Variants in DNER observed in about 807,000 individuals in gnomAD.
DNER encodes the protein delta/notch like EGF repeat containing.
A neutral mutation model predicts 78.2 loss-of-function variants in DNER; 33 were observed. That is an observed-to-expected ratio of 0.42 (90% CI 0.32 to 0.56). The LOEUF (loss-of-function observed/expected upper bound fraction) is 0.56. Among genes scored for constraint, DNER ranks in the 20% least tolerant of loss-of-function variants. The pLI, the probability that DNER is intolerant of heterozygous loss-of-function variation, is 0.11. For missense variants in DNER, 918 were observed against 975.3 expected (o/e 0.94, Z 0.78); for synonymous variants, 417 against 384.8 (o/e 1.08, Z -0.98).
At chr2:229,611,876 T>A (rs987297925) in intron 1 of DNER, among the ~76,000 whole-genome samples, 5 of 152,174 alleles carry the variant, frequency 3.3e-5, no homozygotes, top group Non-Finnish European at 5.9e-5. Context: ...TGTTACACCG[T>A]CTCCATAACC....
intron 1 of DNER, among the ~76,000 whole-genome samples, chr2:229,634,843 C>A (rs988857398): frequency 6.6e-5 from 10 of 152,132 alleles, no homozygotes; most frequent in African/African-American, 2.4e-4. Flanking sequence ...GCCACTTGTC[C>A]CCTTCTGGCA....
chr2:229,445,445 G>A (rs138017224), intron 8 of DNER, among the ~76,000 whole-genome samples: 100 of 152,326 alleles, frequency 6.6e-4, no homozygotes, highest in Non-Finnish European at 1.1e-3. Context: ...AGTTCATTTC[G>A]GGTGTCAACT....
intron 1 of DNER, among the ~76,000 whole-genome samples, chr2:229,594,230 A>G (rs1171345508): frequency 6.6e-6 from 1 of 152,240 alleles, no homozygotes; most frequent in Non-Finnish European, 1.5e-5. Flanking sequence ...CCATAGAGTA[A>G]CTTCTCTTCA....
intron 7 of DNER, among the ~76,000 whole-genome samples, chr2:229,458,368 T>C (rs1288954088): frequency 6.6e-6 from 1 of 151,700 alleles, no homozygotes; most frequent in African/African-American, 2.4e-5. Flanking sequence ...AGCTTCAAAA[T>C]ACATGAAAGA....
chr2:229,416,359 C>T (rs1024927187), intron 9 of DNER, among the ~76,000 whole-genome samples: 5 of 152,108 alleles, frequency 3.3e-5, no homozygotes, highest in Admixed American at 2.6e-4. Flanking sequence ...GAGTTGCTGG[C>T]GTGGGCTAGT....
chr2:229,698,304 G>T (rs1699690661), intron 1 of DNER, among the ~76,000 whole-genome samples: 1 of 152,168 alleles, frequency 6.6e-6, no homozygotes, highest in South Asian at 2.1e-4. Flanking sequence ...CTTGTACCCT[G>T]CTGGTCTCCA....
chr2:229,364,813 A>G (rs962364709), intron 12 of DNER, among the ~76,000 whole-genome samples: 5 of 150,646 alleles, frequency 3.3e-5, no homozygotes, highest in African/African-American at 9.8e-5. Context: ...TTCAGATAGA[A>G]TAATTTGGGT....
chr2:229,623,521 C>A (rs1433688656), intron 1 of DNER, among the ~76,000 whole-genome samples: 1 of 152,210 alleles, frequency 6.6e-6, no homozygotes, highest in Non-Finnish European at 1.5e-5. Context: ...CGGGCATGAG[C>A]TACTTGTCCT....
At position 229,714,284 on chromosome 2, in the gene DNER, G is replaced by C. The variant is rs1414659832; in HGVS notation, c.140C>G (p.Pro47Arg). ...ATTCCGGCAGGGCTGCGCGGCGCAC[G>C]GCCCGGGCGCAGACAGGGGCGCGGC... is the stretch of plus-strand genomic sequence containing the variant. ...VPAAPLSAPGPCAAQPCRNGG... is the reference protein window; with the variant it reads ...VPAAPLSAPGRCAAQPCRNGG... Residue 47 changes from proline (P) to arginine (R), a missense_variant, in exon 1 of 13, where the codon CCG becomes CGG. Physicochemically the swap from Pro to Arg is moderately radical, Grantham distance 103 (BLOSUM62 -2). Transcript: ENST00000341772. 7.3e-7 allele frequency: 1 copy of C among 1,366,550 alleles called. No individual in the cohort carries two copies. Among genetic ancestry groups the C allele is most frequent in the Non-Finnish European group, 9.4e-7 (1 of 1,060,670 alleles). The allele number at this position is 1,366,550 out of a possible 1,614,324, so 84.7% of individuals were successfully genotyped here.
At chr2:229,684,763 C>T (rs574012610) in intron 1 of DNER, among the ~76,000 whole-genome samples, 6 of 152,218 alleles carry the variant, frequency 3.9e-5, no homozygotes, top group South Asian at 2.1e-4. Context: ...CCATAATCTG[C>T]GGTATAAATT....
intron 5 of DNER, among the ~76,000 whole-genome samples, chr2:229,527,976 G>T (rs1446474349): frequency 6.6e-6 from 1 of 152,212 alleles, no homozygotes; most frequent in Non-Finnish European, 1.5e-5. Flanking sequence ...TCTGTGGCCA[G>T]CTGCACCAAC....
rs183550735 is a variant in DNER, at chr2:229,694,263, G to A, written c.276+19885C>T. ...GATGTCCAGGCAGAGGTTTGCTGCA[G>A]GGGCAGAGCCCCCATGGAGAACCTC... On this transcript the variant is annotated intron_variant, in intron 1 of 12. Transcript: ENST00000341772. 1.5e-4 allele frequency among the ~76,000 whole-genome samples: 23 copies of A among 152,364 alleles called. No homozygotes were observed. The East Asian group carries it at 3.9e-3, about 26-fold the overall frequency.
chr2:229,411,395 A>G (rs1693515398), intron 9 of DNER, among the ~76,000 whole-genome samples: 1 of 152,156 alleles, frequency 6.6e-6, no homozygotes, highest in South Asian at 2.1e-4. Flanking sequence ...CGTCTCTACT[A>G]AAAATACAAA....
At chr2:229,359,066 T>C (rs1692155638) in intron 12 of DNER, among the ~76,000 whole-genome samples, 1 of 152,194 alleles carries the variant, frequency 6.6e-6, no homozygotes, top group Admixed American at 6.5e-5. Context: ...CCCCGGGCCA[T>C]GGACAGACAG....
At chr2:229,593,529 T>A (rs1005864207) in intron 1 of DNER, among the ~76,000 whole-genome samples, 1 of 152,210 alleles carries the variant, frequency 6.6e-6, no homozygotes, top group Non-Finnish European at 1.5e-5. Context: ...AGGTATTTTA[T>A]CTACTGTGTT....
At chr2:229,486,735 A>G (rs1695283821) in intron 6 of DNER, among the ~76,000 whole-genome samples, 1 of 152,214 alleles carries the variant, frequency 6.6e-6, no homozygotes, top group Non-Finnish European at 1.5e-5. Context: ...ACTGCAAAGC[A>G]ATATGCCAAT....
intron 1 of DNER, among the ~76,000 whole-genome samples, chr2:229,679,083 C>T (rs1342040485): frequency 6.6e-6 from 1 of 152,294 alleles, no homozygotes; most frequent in East Asian, 1.9e-4. Flanking sequence ...ACACTCCTCC[C>T]AGAGGCCCTG....
chr2:229,644,272 T>C (rs1222896169), intron 1 of DNER, among the ~76,000 whole-genome samples: 1 of 151,742 alleles, frequency 6.6e-6, no homozygotes, highest in Non-Finnish European at 1.5e-5. Context: ...CCCTCAAGCA[T>C]GGTCACTATA....
intron 5 of DNER, among the ~76,000 whole-genome samples, chr2:229,544,633 A>C (rs71355934): frequency 0.019 from 2,777 of 149,654 alleles, 49 homozygotes; most frequent in Non-Finnish European, 0.03. Flanking sequence ...TCTGGATTCA[A>C]GCATTTCTCC....
Sources: allele counts gnomAD v4.1 joint callset (sites outside exome capture counted in the v4.1 genomes callset), GRCh38; gene constraint gnomAD v4.1.1; transcripts MANE v1.5; gene names NCBI Gene and HGNC (gene_info 2026-07-23, HGNC 2026-07-21).